The following PHACTR1 variants were observed in gnomAD, a reference collection of about 807,000 sequenced individuals.
PHACTR1 encodes the protein RPEL repeat containing 1.
A neutral mutation model predicts 69.2 loss-of-function variants in PHACTR1; 16 were observed. That is an observed-to-expected ratio of 0.23 (90% CI 0.16 to 0.35). PHACTR1 has a LOEUF of 0.35. Among genes scored for constraint, PHACTR1 ranks in the 10% least tolerant of loss-of-function variants. The pLI, the probability that PHACTR1 is intolerant of heterozygous loss-of-function variation, is 1.00. For synonymous variants in PHACTR1, 312 were observed against 284.5 expected (o/e 1.10, Z -0.97); for missense variants, 510 against 734.7 (o/e 0.69, Z 3.54).
intron 4 of PHACTR1, among the ~76,000 whole-genome samples, chr6:12,871,222 C>T (rs1781991487): frequency 6.6e-6 from 1 of 152,138 alleles, no homozygotes; most frequent in Non-Finnish European, 1.5e-5. Flanking sequence ...TATTTGCTCA[C>T]CGCTATGTGC....
intron 4 of PHACTR1, among the ~76,000 whole-genome samples, chr6:12,859,814 T>A (rs1296256616): frequency 1.3e-5 from 2 of 152,124 alleles, no homozygotes; most frequent in African/African-American, 4.8e-5. Context: ...TGGGCTCTAA[T>A]ACATGAGGAC....
chr6:12,977,613 A>G (rs1053686851), intron 4 of PHACTR1, among the ~76,000 whole-genome samples: 13 of 152,364 alleles, frequency 8.5e-5, no homozygotes, highest in African/African-American at 3.1e-4. Context: ...TTGATTAGCA[A>G]TGAGAGCTCA....
In PHACTR1 at chr6:13,112,341, A is replaced by C. The variant is rs1029911771; in HGVS notation, c.416-47863A>C. On this transcript the variant is annotated intron_variant, in intron 5 of 14. Transcript: ENST00000332995. ...GTGAATAGTGCTGCAGTGAACATAC[A>C]TGTCCATATGTCTTTATAATAAAAT... Among the ~76,000 whole-genome samples, 76 of 152,194 alleles carry C rather than the reference A, an allele frequency of 5.0e-4. 1 individual carries two copies. Among genetic ancestry groups the C allele is most frequent in the African/African-American group, 1.8e-3 (73 of 41,450 alleles).
chr6:12,936,359 C>T (rs889479816), intron 4 of PHACTR1, among the ~76,000 whole-genome samples: 28 of 152,128 alleles, frequency 1.8e-4, no homozygotes, highest in Non-Finnish European at 2.9e-5. Context: ...GAAGTGTCTG[C>T]ACACAAAATT....
chr6:13,284,517 C>CAAAAAAAA lies in PHACTR1; in HGVS notation c.1650+975_1650+982dup, dbSNP rs58847683. ...GGATGACAACAGTGAAACTCCATCT[C>CAAAAAAAA]AAAAAAAAAAAAAAAAAAAAAAAAA... On this transcript the variant is annotated intron_variant, in intron 13 of 14. Transcript: ENST00000332995. 2.2e-4 allele frequency among the ~76,000 whole-genome samples: 9 copies of CAAAAAAAA among 40,022 alleles called. 1 individual carries two copies. The highest frequency in any genetic ancestry group is 5.2e-4 in the African/African-American group (3 of 5,756). The allele number at this position is 40,022 out of a possible 152,430, so 26.3% of individuals were successfully genotyped here.
At chr6:13,236,585 C>T (rs1383028048) in intron 10 of PHACTR1, among the ~76,000 whole-genome samples, 1 of 152,080 alleles carries the variant, frequency 6.6e-6, no homozygotes, top group East Asian at 1.9e-4. Context: ...TCTCTGCCTT[C>T]GTCTCTGCAT....
chr6:12,749,124 G>A (rs9381384), intron 3 of PHACTR1, among the ~76,000 whole-genome samples: 2,865 of 152,358 alleles, frequency 0.019, 91 homozygotes, highest in East Asian at 0.081. Context: ...TGGGACCGCG[G>A]GCGCGGCACG....
chr6:12,833,461 G>C (rs1777810173), intron 4 of PHACTR1, among the ~76,000 whole-genome samples: 1 of 151,906 alleles, frequency 6.6e-6, no homozygotes, highest in African/African-American at 2.4e-5. Flanking sequence ...GTTTCACCAT[G>C]TTGGCCAGGC....
intron 4 of PHACTR1, among the ~76,000 whole-genome samples, chr6:12,954,866 T>G (rs1269418721): frequency 6.6e-6 from 1 of 152,208 alleles, no homozygotes; most frequent in Non-Finnish European, 1.5e-5. Context: ...CTAAAATAAA[T>G]TCTAACCTCA....
At chr6:12,997,020 C>G (rs532529873) in intron 4 of PHACTR1, among the ~76,000 whole-genome samples, 1 of 151,908 alleles carries the variant, frequency 6.6e-6, no homozygotes, top group Non-Finnish European at 1.5e-5. Context: ...ACAAAATTAG[C>G]CACGCGTGTT....
intron 4 of PHACTR1, among the ~76,000 whole-genome samples, chr6:12,825,774 G>T (rs1193793023): frequency 6.6e-6 from 1 of 152,044 alleles, no homozygotes; most frequent in Non-Finnish European, 1.5e-5. Context: ...AGGTCTGGTT[G>T]TCTCATTCTC....
chr6:12,963,271 TGA>T (rs1274084056), intron 4 of PHACTR1, among the ~76,000 whole-genome samples: 5 of 152,166 alleles, frequency 3.3e-5, no homozygotes, highest in African/African-American at 1.2e-4. Flanking sequence ...CGCCCACAGA[TGA>T]GGGTGAGCCT....
intron 6 of PHACTR1, among the ~76,000 whole-genome samples, chr6:13,163,102 G>A (rs1211437731): frequency 3.3e-5 from 5 of 152,058 alleles, no homozygotes; most frequent in Admixed American, 1.3e-4. Flanking sequence ...AAAATTTGTC[G>A]GGTGTGGTGG....
At chr6:12,820,374 G>C (rs1271393448) in intron 4 of PHACTR1, among the ~76,000 whole-genome samples, 1 of 152,096 alleles carries the variant, frequency 6.6e-6, no homozygotes, top group Non-Finnish European at 1.5e-5. Context: ...TAGAGACAGG[G>C]TTTCACCATG....
At chr6:12,810,610 A>G (rs1774911901) in intron 4 of PHACTR1, among the ~76,000 whole-genome samples, 1 of 152,162 alleles carries the variant, frequency 6.6e-6, no homozygotes, top group Non-Finnish European at 1.5e-5. Context: ...TCCACCTGCC[A>G]GAAAGTGACA....
intron 6 of PHACTR1, among the ~76,000 whole-genome samples, chr6:13,180,866 A>G (rs994961238): frequency 6.6e-6 from 1 of 152,072 alleles, no homozygotes; most frequent in Non-Finnish European, 1.5e-5. Context: ...CATCTGTGTG[A>G]TTTCCATTGC....
chr6:12,772,478 C>G (rs1320061147), intron 4 of PHACTR1, among the ~76,000 whole-genome samples: 2 of 152,046 alleles, frequency 1.3e-5, no homozygotes, highest in Non-Finnish European at 2.9e-5. Context: ...GACAATTATC[C>G]TCTTTCTGTG....
intron 8 of PHACTR1, among the ~76,000 whole-genome samples, chr6:13,209,603 G>A (rs1170314324): frequency 6.6e-6 from 1 of 152,202 alleles, no homozygotes; most frequent in Non-Finnish European, 1.5e-5. Flanking sequence ...ATCAATGCCT[G>A]ACACTGGACC....
intron 4 of PHACTR1, among the ~76,000 whole-genome samples, chr6:12,802,688 T>C (rs1352021260): frequency 6.6e-6 from 1 of 152,234 alleles, no homozygotes; most frequent in Admixed American, 6.5e-5. Flanking sequence ...TCTGATTTCT[T>C]AAATGCTAAA....
Sources: allele counts gnomAD v4.1 joint callset (sites outside exome capture counted in the v4.1 genomes callset), GRCh38; gene constraint gnomAD v4.1.1; transcripts MANE v1.5; gene names NCBI Gene and HGNC (gene_info 2026-07-23, HGNC 2026-07-21).